The following KIF26B variants were observed in gnomAD, a reference collection of about 807,000 sequenced individuals.
KIF26B encodes the protein kinesin family member 26B, also known as kinesin-like protein KIF26B.
In KIF26B, 63 loss-of-function variants were observed where a neutral mutation model predicts 151.2. That is an observed-to-expected ratio of 0.42 (90% CI 0.34 to 0.51). The LOEUF (loss-of-function observed/expected upper bound fraction) is 0.51, where lower values mean the gene tolerates loss of function less well. KIF26B is among the 20% of genes least tolerant of loss of function. The pLI is 0.07. For synonymous variants in KIF26B, 1,357 were observed against 1,262.1 expected, an observed-to-expected ratio of 1.08 and a Z score of -1.59; for missense variants, 2,813 against 2,913.6, an observed-to-expected ratio of 0.97 and a Z score of 0.79.
Position 245,207,984 on chromosome 1 carries a change from C to T in KIF26B, c.465+51301C>T, listed in dbSNP as rs761804068. On this transcript the variant is annotated intron_variant, in intron 2 of 14. Coordinates refer to ENST00000407071, the MANE Select transcript of KIF26B (RefSeq NM_018012.4). ...GGCTGCAAAACCATCTGGAAGCCCCCGCGGAGGTGGGCTGTGTGCCCGAGC... is the reference window on the plus strand; with the variant it reads ...GGCTGCAAAACCATCTGGAAGCCCCTGCGGAGGTGGGCTGTGTGCCCGAGC... Among the ~76,000 whole-genome samples, 9 of 152,314 alleles carry T rather than the reference C, an allele frequency of 5.9e-5. No individual in the cohort carries two copies. The South Asian group carries it at 6.2e-4, about 11-fold the overall frequency.
chr1:245,537,679 G>A (rs1661517676), intron 4 of KIF26B, among the ~76,000 whole-genome samples: 2 of 152,136 alleles, frequency 1.3e-5, no homozygotes, highest in African/African-American at 2.4e-5. Flanking sequence ...GGTCAGCATC[G>A]AAGAAGTCAT....
intron 4 of KIF26B, among the ~76,000 whole-genome samples, chr1:245,454,020 A>T (rs1659457160): frequency 6.6e-6 from 1 of 152,198 alleles, no homozygotes; most frequent in African/African-American, 2.4e-5. Flanking sequence ...TTCAGGCTGA[A>T]TGCCACTCAT....
chr1:245,687,044 C>G lies in KIF26B; in HGVS notation c.4061C>G (p.Ala1354Gly). ...ATGGGAGATGACTCTTTCAACAAAG[C>G]AGCCCCCATCAAAGGCTGCAAAATA... Reference protein sequence around the residue: ...SEMGDDSFNKAAPIKGCKIST... With the variant: ...SEMGDDSFNKGAPIKGCKIST... Residue 1354 changes from alanine (A) to glycine (G), a missense_variant, in exon 12 of 15, where the codon GCA becomes GGA. Around this residue, in one of 3 missense-constraint regions of KIF26B, gnomAD observed 2,060 missense variants for 2,088.6 expected, o/e 0.99. Transcript: ENST00000407071. The surrounding 1 kb of genome is among the most constrained non-coding windows in gnomAD (Gnocchi z 4.9). 6.2e-7 allele frequency: 1 copy of G among 1,613,370 alleles called. No individual in the cohort carries two copies. The highest frequency in any genetic ancestry group is 1.6e-4 in the Middle Eastern group (1 of 6,062).
At chr1:245,457,281 T>A (rs1198311140) in intron 4 of KIF26B, among the ~76,000 whole-genome samples, 1 of 152,166 alleles carries the variant, frequency 6.6e-6, no homozygotes, top group East Asian at 1.9e-4. Context: ...TAAGAAAAGC[T>A]TTTAGAATGA....
chr1:245,601,131 A>G lies in KIF26B; in HGVS notation c.1351-1446A>G, dbSNP rs561349139. On this transcript the variant is annotated intron_variant, in intron 5 of 14. Transcript: ENST00000407071. The surrounding 1 kb of genome is among the most constrained non-coding windows in gnomAD (Gnocchi z 4.4). ...ATCTTTCTATGACCTCAGTGTGAGA[A>G]GCAAGATCTAAACCCTCAGAGGTAG... is the stretch of plus-strand genomic sequence containing the variant. 6.6e-6 allele frequency among the ~76,000 whole-genome samples: 1 copy of G among 152,340 alleles called. No individual in the cohort carries two copies. Among genetic ancestry groups the G allele is most frequent in the Non-Finnish European group, 1.5e-5 (1 of 68,030 alleles).
intron 2 of KIF26B, among the ~76,000 whole-genome samples, chr1:245,355,957 C>T (rs966943673): frequency 5.3e-5 from 8 of 152,146 alleles, no homozygotes; most frequent in Non-Finnish European, 1.2e-4. Context: ...TTCCCATCCC[C>T]TCCTCTGTGA....
chr1:245,551,637 G>A (rs528555778), intron 5 of KIF26B, among the ~76,000 whole-genome samples: 186 of 152,316 alleles, frequency 1.2e-3, no homozygotes, highest in African/African-American at 4.4e-3. Context: ...TCCACGCCAC[G>A]CGACCCTGCA....
Position 245,352,836 on chromosome 1 carries a change from C to CGT in KIF26B, c.466-13978_466-13977dup, listed in dbSNP as rs112283221. Among the ~76,000 whole-genome samples, 4,718 of 148,692 alleles carry CGT rather than the reference C, an allele frequency of 0.032. 96 individuals are homozygous for CGT. Among genetic ancestry groups the CGT allele is most frequent in the African/African-American group, 0.035 (1,424 of 40,732 alleles). On this transcript the variant is annotated intron_variant, in intron 2 of 14. Coordinates refer to ENST00000407071, the MANE Select transcript of KIF26B (RefSeq NM_018012.4). The surrounding 1 kb of genome is among the most constrained non-coding windows in gnomAD (Gnocchi z 5.0). The stretch of plus-strand genomic sequence containing the variant: ...TGGTTTCTTCCTAAAGAGATGTACA[C>CGT]GTGTGTGTGTGTGTGTGTGTGGTGG...
Position 245,609,353 on chromosome 1 carries a change from T to A in KIF26B, c.1739T>A (p.Ile580Lys). 2 of 1,611,126 alleles carry A rather than the reference T, an allele frequency of 1.2e-6. No homozygotes were observed. The highest frequency in any genetic ancestry group is 1.7e-6 in the Non-Finnish European group (2 of 1,178,784). The change falls in exon 8 of 15, where the codon ATA (isoleucine) becomes AAA (lysine). Residue 580 changes from isoleucine to lysine, a missense_variant. Ile to Lys is a moderately radical substitution (Grantham distance 102). This residue lies in a region of KIF26B where 77 missense variants were observed against 136.9 expected (regional missense o/e 0.56). Coordinates refer to ENST00000407071, the MANE Select transcript of KIF26B (RefSeq NM_018012.4). ...GCCATCTCTTGGCTCTTCAAGCTCATAAACGAACGCAAGGAAAAGACCGGC... is the reference window on the plus strand; with the variant it reads ...GCCATCTCTTGGCTCTTCAAGCTCAAAAACGAACGCAAGGAAAAGACCGGC... ...PCAISWLFKLINERKEKTGAR... is the reference protein window; with the variant it reads ...PCAISWLFKLKNERKEKTGAR...
At chr1:245,629,778 CA>C (rs1352023530) in intron 9 of KIF26B, among the ~76,000 whole-genome samples, 2 of 152,120 alleles carry the variant, frequency 1.3e-5, no homozygotes, top group Non-Finnish European at 2.9e-5. Context: ...TCCTGCACAG[CA>C]AAAGAAACTA....
intron 2 of KIF26B, among the ~76,000 whole-genome samples, chr1:245,265,029 C>T (rs1327641499): frequency 6.6e-6 from 1 of 150,468 alleles, no homozygotes; most frequent in Admixed American, 6.6e-5. Flanking sequence ...GAAACCCCGT[C>T]TCTACTAAAA....
intron 2 of KIF26B, 142 bp from the exon 3 acceptor site, chr1:245,366,692 C>A: frequency 1.4e-6 from 1 of 709,158 alleles, no homozygotes. Flanking sequence ...GCCAGTGTGT[C>A]TTCTCATTTC....
rs1324908347 is a variant in KIF26B at position 245,597,611 on chromosome 1, G to A, written c.1351-4966G>A. On this transcript the variant is annotated intron_variant, in intron 5 of 14. Coordinates refer to ENST00000407071, the MANE Select transcript of KIF26B (RefSeq NM_018012.4). This position sits in a 1 kb window ranked among gnomAD's most constrained non-coding sequence, Gnocchi z 4.6. ...TGAATCTGACGATTTTGTGTCTTGG[G>A]GTTGCTCTTCTCGAGGAGTATCTTT... Among the ~76,000 whole-genome samples, 1 of 152,002 alleles carries A rather than the reference G, an allele frequency of 6.6e-6. No individual in the cohort carries two copies. The highest frequency in any genetic ancestry group is 2.4e-5 in the African/African-American group (1 of 41,392).
intron 2 of KIF26B, among the ~76,000 whole-genome samples, chr1:245,314,821 G>C: frequency 6.6e-6 from 1 of 152,208 alleles, no homozygotes; most frequent in East Asian, 1.9e-4. Flanking sequence ...TCATTTTCAA[G>C]CAAGGTATAG....
chr1:245,630,274 C>A (rs1157487401), intron 9 of KIF26B, among the ~76,000 whole-genome samples: 1 of 152,186 alleles, frequency 6.6e-6, no homozygotes, highest in African/African-American at 2.4e-5. Context: ...TACAAAGACA[C>A]ATGCACACAT....
rs184489991 is a variant in KIF26B, at chr1:245,569,036, G to A, written c.1350+28086G>A. ...GCTCACTGGGCTCAGATGAGAAATA[G>A]CTTTAAGGTGCATCCAGGGTTTGGT... On this transcript the variant is annotated intron_variant, in intron 5 of 14. Transcript: ENST00000407071. Among the ~76,000 whole-genome samples, 17 of 152,262 alleles carry A rather than the reference G, an allele frequency of 1.1e-4. No homozygotes were observed. In the East Asian group the frequency reaches 2.9e-3, roughly 26 times the overall value.
chr1:245,344,724 A>G (rs1246111678), intron 2 of KIF26B, among the ~76,000 whole-genome samples: 1 of 151,862 alleles, frequency 6.6e-6, no homozygotes, highest in Non-Finnish European at 1.5e-5. Context: ...GCTTAGACGC[A>G]CAGATAATCT....
At chr1:245,199,556 G>C (rs920866225) in intron 2 of KIF26B, among the ~76,000 whole-genome samples, 6 of 150,722 alleles carry the variant, frequency 4.0e-5, no homozygotes, top group African/African-American at 1.5e-4. Context: ...TTGGCTCACT[G>C]CAACCTCCGC....
At chr1:245,193,492 C>A (rs1053868673) in intron 2 of KIF26B, among the ~76,000 whole-genome samples, 1 of 150,710 alleles carries the variant, frequency 6.6e-6, no homozygotes, top group Non-Finnish European at 1.5e-5. Context: ...AACCGGAAAG[C>A]TTAGGCTTTC....
Sources: gnomAD v4.1 joint callset for allele counts (sites outside exome capture counted in the v4.1 genomes callset) on GRCh38, gnomAD v4.1.1 for gene constraint, gnomAD v4.1.1 regional missense constraint, Gnocchi (gnomAD v3.1) non-coding constraint, MANE v1.5 for transcripts, NCBI Gene and HGNC (gene_info 2026-07-23, HGNC 2026-07-21) for gene names.